The following DCAF6 variants were observed in gnomAD, a reference collection of about 807,000 sequenced individuals.
The protein encoded by DCAF6 is DDB1- and CUL4-associated factor 6.
Under a neutral mutation model 125.1 loss-of-function variants are expected in DCAF6, and 54 were observed. That is an observed-to-expected ratio of 0.43 (90% confidence interval 0.35 to 0.54). DCAF6 has a LOEUF of 0.54. Among genes scored for constraint, DCAF6 ranks in the 20% least tolerant of loss-of-function variants. DCAF6 has a pLI of 0.01. For missense variants in DCAF6, 934 were observed against 1,161.7 expected (o/e 0.80, Z 2.85); for synonymous variants, 371 against 390.4 (o/e 0.95, Z 0.58).
chr1:167,880,518 T>C, the DCAF6 span: 1 of 1,613,910 alleles, frequency 6.2e-7, no homozygotes, highest in South Asian at 1.1e-5. Flanking sequence ...AGAGCAGAAG[T>C]CAAATATATC....
At chr1:167,956,019 C>A (rs1674728482) in intron 2 of DCAF6, among the ~76,000 whole-genome samples, 1 of 152,094 alleles carries the variant, frequency 6.6e-6, no homozygotes, top group East Asian at 1.9e-4. Flanking sequence ...CCTCAACCTC[C>A]CAAAGCAAAG....
At chr1:168,054,490 C>T (rs930025899) in intron 17 of DCAF6, among the ~76,000 whole-genome samples, 6 of 152,202 alleles carry the variant, frequency 3.9e-5, no homozygotes, top group African/African-American at 1.4e-4. Context: ...AGTACTGCCA[C>T]ATTGGGGATT....
At position 168,000,132 on chromosome 1, in the gene DCAF6, C is replaced by G. The variant is rs774731371; in HGVS notation, c.904-2350C>G. On this transcript the variant is annotated intron_variant, in intron 7 of 21. Transcript: ENST00000367840. Reference sequence around the variant, plus strand: ...TTGTGTCTCAAGAAATTGGAAGGCTCGAGAGGGAGAGAGATGGGGAAACAG... The same window carrying G: ...TTGTGTCTCAAGAAATTGGAAGGCTGGAGAGGGAGAGAGATGGGGAAACAG... 5.9e-5 allele frequency among the ~76,000 whole-genome samples: 9 copies of G among 151,938 alleles called. 1 individual carries two copies. Among genetic ancestry groups the G allele is most frequent in the Non-Finnish European group, 1.3e-4 (9 of 67,956 alleles).
At chr1:167,900,556 G>A in the DCAF6 span, among the ~76,000 whole-genome samples, 2 of 151,504 alleles carry the variant, frequency 1.3e-5, no homozygotes, top group African/African-American at 4.9e-5. Flanking sequence ...TTTTGAGATG[G>A]AGTTTCACGC....
the DCAF6 span, among the ~76,000 whole-genome samples, chr1:167,927,045 C>T: frequency 6.6e-6 from 1 of 152,202 alleles, no homozygotes; most frequent in Non-Finnish European, 1.5e-5. Flanking sequence ...TTTTCTTAAT[C>T]TTCCTTGACA....
chr1:167,866,035 T>C, the DCAF6 span, among the ~76,000 whole-genome samples: 1 of 152,184 alleles, frequency 6.6e-6, no homozygotes, highest in African/African-American at 2.4e-5. Flanking sequence ...TAGGATTCCT[T>C]GGAGACCTGA....
chr1:167,980,916 CTTTTTTTTTTT>C (rs71100920), intron 4 of DCAF6, among the ~76,000 whole-genome samples: 1 of 113,570 alleles, frequency 8.8e-6, no homozygotes, highest in African/African-American at 3.3e-5. Flanking sequence ...TCTGAATTTT[CTTTTTTTTTTT>C]TTTTTTTTGA....
At chr1:167,932,684 C>T (rs1221555469), upstream of DCAF6, among the ~76,000 whole-genome samples, 2 of 151,778 alleles carry the variant, frequency 1.3e-5, no homozygotes, top group Non-Finnish European at 2.9e-5. Context: ...TGGCACATGC[C>T]TGTAATCCCA....
chr1:167,919,662 AAG>A, the DCAF6 span, among the ~76,000 whole-genome samples: 4 of 152,182 alleles, frequency 2.6e-5, no homozygotes, highest in South Asian at 2.1e-4. Context: ...GTCTTAATAA[AAG>A]AGATTATGTG....
chr1:168,071,125 CTT>C (rs1692965883), intron 21 of DCAF6, among the ~76,000 whole-genome samples: 1 of 152,208 alleles, frequency 6.6e-6, no homozygotes, highest in African/African-American at 2.4e-5. Flanking sequence ...TTCTACTTCT[CTT>C]GTCCTCATAG....
upstream of DCAF6, among the ~76,000 whole-genome samples, chr1:167,935,089 C>T (rs1671054637): frequency 2.6e-5 from 4 of 152,106 alleles, no homozygotes; most frequent in South Asian, 8.3e-4. Context: ...CTCAAGGTCA[C>T]AACTATAAGT....
At chr1:167,889,573 G>A in the DCAF6 span, among the ~76,000 whole-genome samples, 3 of 152,218 alleles carry the variant, frequency 2.0e-5, no homozygotes, top group South Asian at 6.2e-4. Context: ...TGGTATCAGG[G>A]TAATACTGGC....
chr1:168,041,514 A>G (rs1688526053), intron 13 of DCAF6, among the ~76,000 whole-genome samples: 1 of 152,024 alleles, frequency 6.6e-6, no homozygotes, highest in South Asian at 2.1e-4. Flanking sequence ...TTTAGTATCA[A>G]AAACTGTATA....
At chr1:167,971,295 A>G (rs1466171473) in intron 3 of DCAF6, among the ~76,000 whole-genome samples, 1 of 152,088 alleles carries the variant, frequency 6.6e-6, no homozygotes, top group African/African-American at 2.4e-5. Flanking sequence ...ATTGTATTAT[A>G]TTTGTTTGCA....
At chr1:167,925,480 T>TATATAC in the DCAF6 span, among the ~76,000 whole-genome samples, 62 of 134,858 alleles carry the variant, frequency 4.6e-4, no homozygotes, top group African/African-American at 1.6e-3. Context: ...TATATACATA[T>TATATAC]ACATATACAC....
intron 11 of DCAF6, 96 bp downstream of exon 11, chr1:168,016,047 G>T: frequency 9.1e-7 from 1 of 1,102,542 alleles, no homozygotes; most frequent in Non-Finnish European, 1.2e-6. Context: ...TTCAAAAAGA[G>T]AGCTAATGCG....
At chr1:167,935,278 A>G (rs1344755747), upstream of DCAF6, among the ~76,000 whole-genome samples, 1 of 152,254 alleles carries the variant, frequency 6.6e-6, no homozygotes, top group Non-Finnish European at 1.5e-5. Context: ...CTCAGTCTGC[A>G]GGCCTCTGCC....
chr1:167,880,267 A>G, the DCAF6 span: 1 of 1,348,636 alleles, frequency 7.4e-7, no homozygotes, highest in South Asian at 1.2e-5. Context: ...AGGGTGGGAA[A>G]TAATGTCTGG....
In DCAF6 at chr1:168,055,340, T is replaced by TTG. The variant is rs1365298024; in HGVS notation, c.2300+4408_2300+4409insGT. ...AAAAAATCAGGCTTAAGTTTTTTTT[T>TTG]TTTTTTTTTTTTTTTTTTTTAACGA... On this transcript the variant is annotated intron_variant, in intron 17 of 21. Transcript: ENST00000367840. Among the ~76,000 whole-genome samples, 2 of 5,702 alleles carry TTG rather than the reference T, an allele frequency of 3.5e-4. 1 individual carries two copies. The highest frequency in any genetic ancestry group is 4.4e-3 in the East Asian group (2 of 450). 3.7% of individuals were successfully genotyped at this position (5,702 alleles called of 152,430 possible). A position where few individuals can be genotyped will look rare whatever the true frequency, so the allele number is the denominator to read the frequency against.
Sources: gnomAD v4.1 joint callset for allele counts (sites outside exome capture counted in the v4.1 genomes callset) on GRCh38, gnomAD v4.1.1 for gene constraint, MANE v1.5 for transcripts, NCBI Gene and HGNC (gene_info 2026-07-23, HGNC 2026-07-21) for gene names.